The following KALRN variants were observed in gnomAD, a reference collection of about 807,000 sequenced individuals.
KALRN encodes the protein kalirin.
In KALRN, 70 loss-of-function variants were observed where a neutral mutation model predicts 353.7. The ratio of observed to expected loss-of-function variants is 0.20; its 90% CI spans 0.16 to 0.24. The LOEUF (loss-of-function observed/expected upper bound fraction) is 0.24, where lower values mean the gene tolerates loss of function less well. Ranked by LOEUF, KALRN falls within the 10% of genes least tolerant of loss-of-function variation. KALRN has a pLI of 1.00. For synonymous variants in KALRN, 1,391 were observed against 1,434.8 expected, an observed-to-expected ratio of 0.97 and a Z score of 0.69; for missense variants, 2,791 against 3,756.7, an observed-to-expected ratio of 0.74 and a Z score of 6.72.
chr3:124,329,276 G>GTTTCCACCCTTCC (rs2080256741), intron 7 of KALRN, among the ~76,000 whole-genome samples: 2 of 152,188 alleles, frequency 1.3e-5, no homozygotes, highest in Non-Finnish European at 2.9e-5. Flanking sequence ...TGTCCCCCTA[G>GTTTCCACCCTTCC]ACTGCCTCTC....
Position 124,666,654 on chromosome 3 carries a change from T to A in KALRN, c.6531+20T>A, listed in dbSNP as rs757871170. The A allele has an allele frequency of 6.8e-6, 11 of 1,607,682 alleles. No individual in the cohort carries two copies. The highest frequency in any genetic ancestry group is 8.5e-7 in the Non-Finnish European group (1 of 1,174,882). On this transcript the variant is annotated intron_variant, in intron 46 of 59. Transcript: ENST00000682506. ...ATCAAGGTGAGGATCCCAATGGTGA[T>A]GAGAAGAGGCAAGGAAGAGCCCAGT...
At chr3:124,275,466 C>T (rs1185340176) in intron 5 of KALRN, among the ~76,000 whole-genome samples, 1 of 152,110 alleles carries the variant, frequency 6.6e-6, no homozygotes, top group Non-Finnish European at 1.5e-5. Context: ...AGAAACCTCT[C>T]AGCAAATAAA....
intron 1 of KALRN, among the ~76,000 whole-genome samples, chr3:124,110,469 G>GCGCACACACACACACA (rs10634082): frequency 7.5e-6 from 1 of 134,050 alleles, no homozygotes; most frequent in South Asian, 2.4e-4. Context: ...ACACACGCGC[G>GCGCACACACACACACA]CACACACACA....
At chr3:124,522,896 G>T (rs1037116160) in intron 33 of KALRN, among the ~76,000 whole-genome samples, 1 of 152,162 alleles carries the variant, frequency 6.6e-6, no homozygotes, top group East Asian at 1.9e-4. Context: ...TTGAACAGGG[G>T]TAAGTTTCAG....
At chr3:124,181,935 T>A (rs1372576471) in intron 1 of KALRN, among the ~76,000 whole-genome samples, 1 of 152,182 alleles carries the variant, frequency 6.6e-6, no homozygotes, top group Non-Finnish European at 1.5e-5. Flanking sequence ...GGGATAAACA[T>A]CTTGTTACCA....
At chr3:124,164,862 G>T (rs969834916) in intron 1 of KALRN, among the ~76,000 whole-genome samples, 8 of 152,208 alleles carry the variant, frequency 5.3e-5, no homozygotes, top group Non-Finnish European at 1.2e-4. Flanking sequence ...GCATGGTTTT[G>T]TGGAGAGAGC....
intron 33 of KALRN, among the ~76,000 whole-genome samples, chr3:124,552,648 T>C (rs2070689372): frequency 6.6e-6 from 1 of 152,250 alleles, no homozygotes; most frequent in African/African-American, 2.4e-5. Context: ...ATAGCCTAAA[T>C]TTAGGGTACT....
chr3:124,624,960 A>G (rs2079767574), intron 34 of KALRN, among the ~76,000 whole-genome samples: 1 of 152,172 alleles, frequency 6.6e-6, no homozygotes, highest in South Asian at 2.1e-4. Flanking sequence ...AAAACTTTTG[A>G]CGCTTAACAT....
intron 34 of KALRN, chr3:124,584,898 C>T: frequency 6.3e-7 from 1 of 1,598,096 alleles, no homozygotes; most frequent in Non-Finnish European, 8.5e-7. Context: ...TGTTGCTTCC[C>T]GTGTAGAGGT....
At position 124,314,309 on chromosome 3, in the gene KALRN, T is replaced by C. The variant is rs1278162025; in HGVS notation, c.1093-11671T>C. On this transcript the variant is annotated intron_variant, in intron 6 of 59. Transcript: ENST00000682506. ...GGTGGGAATTGAACAATGAGAACAC[T>C]TGGACATAGGTTGGGGAACATCACA... Among the ~76,000 whole-genome samples the C allele has an allele frequency of 6.2e-5, 8 of 128,094 alleles. No individual in the cohort carries two copies. The Admixed American group carries it at 7.6e-4, about 12-fold the overall frequency. The allele number at this position is 128,094 out of a possible 152,430, so 84.0% of individuals were successfully genotyped here.
Position 124,719,332 on chromosome 3 carries a change from T to A in KALRN, c.8823T>A (p.His2941Gln). 6.2e-7 allele frequency: 1 copy of A among 1,614,216 alleles called. No homozygotes were observed. Among genetic ancestry groups the A allele is most frequent in the South Asian group, 1.1e-5 (1 of 91,084 alleles). Reference protein sequence around the residue: ...TCLQHPWLQPHNGSYSKIPLD... With the variant: ...TCLQHPWLQPQNGSYSKIPLD... Reference sequence around the variant, plus strand: ...TGCAGCATCCATGGCTGCAGCCCCATAATGGCAGCTACTCTAAGATCCCCC... The same window carrying A: ...TGCAGCATCCATGGCTGCAGCCCCAAAATGGCAGCTACTCTAAGATCCCCC... The change falls in exon 60 of 60, where the codon CAT becomes CAA. Residue 2941 changes from histidine (H) to glutamine (Q), a missense_variant. Physicochemically the swap from His to Gln is conservative, Grantham distance 24. Coordinates refer to ENST00000682506, the MANE Select transcript of KALRN (RefSeq NM_001388419.1). The surrounding 1 kb of genome is among the most constrained non-coding windows in gnomAD (Gnocchi z 5.3).
chr3:124,678,451 G>A, intron 50 of KALRN, 138 bp downstream of exon 50: 2 of 839,804 alleles, frequency 2.4e-6, no homozygotes, highest in East Asian at 2.7e-5. Context: ...AGTTTAGCAG[G>A]ATTTTGCATG....
chr3:124,530,368 C>T (rs189877290), intron 33 of KALRN, among the ~76,000 whole-genome samples: 79 of 152,086 alleles, frequency 5.2e-4, no homozygotes, highest in African/African-American at 1.6e-3. Context: ...TGTCCAACAC[C>T]GAAGATGAGT....
intron 50 of KALRN, 105 bp downstream of exon 50, chr3:124,678,418 A>G: frequency 3.9e-6 from 5 of 1,265,836 alleles, no homozygotes; most frequent in South Asian, 1.4e-5. Context: ...TTTTTTTCCC[A>G]GTATGGGTAC....
At chr3:124,149,466 C>G (rs1358733429) in intron 1 of KALRN, among the ~76,000 whole-genome samples, 1 of 152,170 alleles carries the variant, frequency 6.6e-6, no homozygotes, top group African/African-American at 2.4e-5. Context: ...TGCCTGCTGC[C>G]CAGTGTCTAA....
At chr3:124,713,186 C>T (rs774237221) in intron 58 of KALRN, 51 bp downstream of exon 58, 1 of 1,485,458 alleles carries the variant, frequency 6.7e-7, no homozygotes, top group Admixed American at 2.0e-5. Context: ...TTTAGGTTAG[C>T]TTTTGCCCAC....
At chr3:124,218,795 T>A (rs1417350160) in intron 1 of KALRN, among the ~76,000 whole-genome samples, 1 of 152,248 alleles carries the variant, frequency 6.6e-6, no homozygotes, top group Non-Finnish European at 1.5e-5. Context: ...TTGTGAAGAA[T>A]AAACAGAAAT....
intron 34 of KALRN, among the ~76,000 whole-genome samples, chr3:124,563,375 C>T (rs1388699373): frequency 6.6e-6 from 1 of 152,202 alleles, no homozygotes; most frequent in African/African-American, 2.4e-5. Context: ...CCAGTTTTCC[C>T]ATCATATCAC....
Position 124,454,294 on chromosome 3 carries a change from T to C in KALRN, c.3553-883T>C, listed in dbSNP as rs189497502. On this transcript the variant is annotated intron_variant, in intron 21 of 59. Transcript: ENST00000682506. ...CTAGGAACTAAAGGGCAGAGACAAA[T>C]AGGCTCTGTTTGCTCACTGGTAGTA... 2.0e-5 allele frequency among the ~76,000 whole-genome samples: 3 copies of C among 152,322 alleles called. No individual in the cohort carries two copies. In the East Asian group the frequency reaches 5.8e-4, roughly 29 times the overall value.
Sources: allele counts gnomAD v4.1 joint callset (sites outside exome capture counted in the v4.1 genomes callset), GRCh38; gene constraint gnomAD v4.1.1; non-coding constraint Gnocchi (gnomAD v3.1); transcripts MANE v1.5; gene names NCBI Gene and HGNC (gene_info 2026-07-23, HGNC 2026-07-21).